Variants in PTPRN2 observed in about 807,000 individuals in gnomAD.
PTPRN2 encodes the protein protein tyrosine phosphatase receptor type N2, also known as receptor-type tyrosine-protein phosphatase N2.
PTPRN2 carries 74 observed loss-of-function variants against 118.8 expected under a neutral mutation model. That is an observed-to-expected ratio of 0.62 (90% CI 0.52 to 0.76). PTPRN2 has a LOEUF of 0.76. Among genes scored for constraint, PTPRN2 ranks in the 30% least tolerant of loss-of-function variants. The pLI, the probability that PTPRN2 is intolerant of heterozygous loss-of-function variation, is 0.00. For synonymous variants in PTPRN2, 641 were observed against 608.0 expected, an observed-to-expected ratio of 1.05 and a Z score of -0.80; for missense variants, 1,481 against 1,394.4, an observed-to-expected ratio of 1.06 and a Z score of -0.99.
chr7:158,273,444 G>A lies in PTPRN2; in HGVS notation c.277+43375C>T, dbSNP rs1018087359. Among the ~76,000 whole-genome samples, 66 of 91,182 alleles carry A rather than the reference G, an allele frequency of 7.2e-4. 2 individuals carry two copies. The highest frequency in any genetic ancestry group is 2.0e-3 in the African/African-American group (50 of 24,852). The allele number at this position is 91,182 out of a possible 152,430, so 59.8% of individuals were successfully genotyped here. ...CGCGGGAGGAGCCGCAGACAGACGCGGGAGGAGCCGCAGACGCAGGGGGAG... is the reference window on the plus strand; with the variant it reads ...CGCGGGAGGAGCCGCAGACAGACGCAGGAGGAGCCGCAGACGCAGGGGGAG... On this transcript the variant is annotated intron_variant, in intron 3 of 22. Transcript: ENST00000389418.
intron 12 of PTPRN2, among the ~76,000 whole-genome samples, chr7:157,781,439 C>T (rs1322951287): frequency 5.9e-5 from 9 of 152,206 alleles, no homozygotes; most frequent in Non-Finnish European, 1.2e-4. Flanking sequence ...GCAGCAAACA[C>T]CATCGAATCA....
chr7:157,988,879 G>T (rs932492572), intron 11 of PTPRN2, among the ~76,000 whole-genome samples: 1 of 152,236 alleles, frequency 6.6e-6, no homozygotes, highest in African/African-American at 2.4e-5. Context: ...TCACATCTGT[G>T]TCTAAAGCCA....
At chr7:157,766,197 A>ATCCATCCC (rs1802472420) in intron 12 of PTPRN2, among the ~76,000 whole-genome samples, 1 of 114,038 alleles carries the variant, frequency 8.8e-6, no homozygotes, top group African/African-American at 3.5e-5. Flanking sequence ...CCATCCATCC[A>ATCCATCCC]TCCATCCATC....
chr7:157,655,550 G>C (rs572653802), intron 14 of PTPRN2, among the ~76,000 whole-genome samples: 1 of 152,206 alleles, frequency 6.6e-6, no homozygotes, highest in Admixed American at 6.5e-5. Context: ...TTAATGGTAC[G>C]GCGAAGAATG....
At chr7:158,124,219 C>T (rs2150401502) in intron 9 of PTPRN2, among the ~76,000 whole-genome samples, 1 of 152,370 alleles carries the variant, frequency 6.6e-6, no homozygotes, top group South Asian at 2.1e-4. Flanking sequence ...TAAAGAAGTG[C>T]CGCCAATGCC....
chr7:158,127,646 G>A (rs578220685), intron 9 of PTPRN2, among the ~76,000 whole-genome samples: 122 of 152,166 alleles, frequency 8.0e-4, no homozygotes, highest in Non-Finnish European at 1.4e-3. Flanking sequence ...CTGGCTCAGC[G>A]TGGTCGTTCC....
chr7:157,915,420 C>A (rs1401606068), intron 11 of PTPRN2, among the ~76,000 whole-genome samples: 1 of 151,916 alleles, frequency 6.6e-6, no homozygotes, highest in Non-Finnish European at 1.5e-5. Flanking sequence ...TGGTTAATGT[C>A]CTAAGGGAAA....
Position 158,022,838 on chromosome 7 carries a change from A to G in PTPRN2, c.1723+58460T>C, listed in dbSNP as rs555698295. ...GTTGGGTTACTTGAAAAATAGGAAG[A>G]AAAAGAAGACAATATCCCTGGACCT... On this transcript the variant is annotated intron_variant, in intron 11 of 22. Transcript: ENST00000389418. This position sits in a 1 kb window ranked among gnomAD's most constrained non-coding sequence, Gnocchi z 4.6. Among the ~76,000 whole-genome samples the G allele has an allele frequency of 2.3e-4, 35 of 152,356 alleles. No individual in the cohort carries two copies. Among genetic ancestry groups the G allele is most frequent in the African/African-American group, 8.2e-4 (34 of 41,592 alleles).
intron 3 of PTPRN2, among the ~76,000 whole-genome samples, chr7:158,222,807 G>A (rs979709057): frequency 2.6e-5 from 4 of 151,908 alleles, no homozygotes; most frequent in Non-Finnish European, 5.9e-5. Flanking sequence ...CCCAAATAAA[G>A]TAGAAGAAAA....
At chr7:158,387,575 T>TGAAA (rs61116708) in intron 2 of PTPRN2, among the ~76,000 whole-genome samples, 1 of 150,834 alleles carries the variant, frequency 6.6e-6, no homozygotes, top group Non-Finnish European at 1.5e-5. Flanking sequence ...CCCTGTCAGC[T>TGAAA]CAGCTTGGCC....
chr7:158,408,800 T>C (rs950491117), intron 2 of PTPRN2, among the ~76,000 whole-genome samples: 13 of 152,150 alleles, frequency 8.5e-5, no homozygotes, highest in Admixed American at 3.3e-4. Context: ...ACGTCACATA[T>C]GCTTGAGATA....
chr7:158,138,264 G>A, intron 7 of PTPRN2, 30 bp downstream of exon 7: 1 of 1,602,208 alleles, frequency 6.2e-7, no homozygotes, highest in Non-Finnish European at 8.5e-7. Context: ...CAGCACCCCT[G>A]GGTGTGGGCA....
chr7:158,145,388 G>A (rs532353396), intron 6 of PTPRN2, among the ~76,000 whole-genome samples: 59 of 152,322 alleles, frequency 3.9e-4, no homozygotes, highest in Middle Eastern at 3.4e-3. Flanking sequence ...GAGAAGGGGC[G>A]GCAGTGCCCG....
chr7:158,315,459 C>T (rs1256971722), intron 3 of PTPRN2, among the ~76,000 whole-genome samples: 1 of 148,190 alleles, frequency 6.7e-6, no homozygotes, highest in Non-Finnish European at 1.5e-5. Context: ...CAGAGGTGAA[C>T]CCAGGACTCC....
At chr7:158,489,412 C>A (rs1043526720) in intron 2 of PTPRN2, among the ~76,000 whole-genome samples, 2 of 152,332 alleles carry the variant, frequency 1.3e-5, no homozygotes, top group South Asian at 4.1e-4. Flanking sequence ...GCCCCGCTGC[C>A]CTCCAGCCTG....
Position 158,500,010 on chromosome 7 carries a change from G to A in PTPRN2, c.113-10225C>T, listed in dbSNP as rs570872285. 3.6e-5 allele frequency among the ~76,000 whole-genome samples: 5 copies of A among 140,090 alleles called. No homozygotes were observed. In the South Asian group the frequency reaches 9.6e-4, roughly 27 times the overall value. The allele number at this position is 140,090 out of a possible 152,430, so 91.9% of individuals were successfully genotyped here. A position where few individuals can be genotyped will look rare whatever the true frequency, so the allele number is the denominator to read the frequency against. On this transcript the variant is annotated intron_variant, in intron 1 of 22. Transcript: ENST00000389418. ...ACAAAAACTGCTTCCTGGCCCTGAT[G>A]ATTAGAACTCTTACACTTGAGCTAA...
chr7:158,580,578 G>C (rs1828576414), intron 1 of PTPRN2, among the ~76,000 whole-genome samples: 1 of 152,160 alleles, frequency 6.6e-6, no homozygotes, highest in African/African-American at 2.4e-5. Context: ...GAAAAGAGTA[G>C]GGAGTCCCTG....
At chr7:157,759,392 G>A (rs771486596) in intron 12 of PTPRN2, among the ~76,000 whole-genome samples, 2 of 152,348 alleles carry the variant, frequency 1.3e-5, no homozygotes, top group East Asian at 3.9e-4. Context: ...TGGCTCCTGC[G>A]GGAACTCCGG....
At position 158,080,760 on chromosome 7, in the gene PTPRN2, T is replaced by C. The variant is rs191280109; in HGVS notation, c.1723+538A>G. 1.8e-4 allele frequency among the ~76,000 whole-genome samples: 28 copies of C among 152,330 alleles called. No homozygotes were observed. The East Asian group carries it at 3.7e-3, about 20-fold the overall frequency. On this transcript the variant is annotated intron_variant, in intron 11 of 22. Coordinates refer to ENST00000389418, the MANE Select transcript of PTPRN2 (RefSeq NM_002847.5). ...CATCTCAAAAATGTGTGATTCGCAA[T>C]GCCCAGAACCCTGGGCTCTAAACAG...
Sources: allele counts gnomAD v4.1 joint callset (sites outside exome capture counted in the v4.1 genomes callset), GRCh38; gene constraint gnomAD v4.1.1; non-coding constraint Gnocchi (gnomAD v3.1); transcripts MANE v1.5; gene names NCBI Gene and HGNC (gene_info 2026-07-23, HGNC 2026-07-21).